USP34: variants seen among roughly 807,000 people sequenced by gnomAD.
USP34 encodes ubiquitin carboxyl-terminal hydrolase 34.
USP34 carries 70 observed loss-of-function variants against 460.3 expected under a neutral mutation model. That is an observed-to-expected ratio of 0.15 (90% CI 0.13 to 0.19). The LOEUF (loss-of-function observed/expected upper bound fraction) is 0.19. USP34 is among the 10% of genes least tolerant of loss of function. USP34 has a pLI of 1.00. For missense variants in USP34, 3,985 were observed against 4,236.2 expected (o/e 0.94, Z 1.65); for synonymous variants, 1,647 against 1,405.3 (o/e 1.17, Z -3.85).
intron 41 of USP34, 183 bp downstream of exon 41, chr2:61,277,982 G>T (rs989202913): frequency 2.7e-6 from 2 of 740,474 alleles, no homozygotes; most frequent in Non-Finnish European, 4.1e-6. Flanking sequence ...CTTGCCTTCC[G>T]GCACGATTGT....
At chr2:61,308,207 T>A (rs1488327021) in intron 27 of USP34, among the ~76,000 whole-genome samples, 1 of 151,996 alleles carries the variant, frequency 6.6e-6, no homozygotes, top group Non-Finnish European at 1.5e-5. Context: ...ATATTTACAT[T>A]GAATGCAAAT....
intron 72 of USP34, 139 bp from the exon 73 acceptor site, chr2:61,204,740 A>G (rs1687067779): frequency 3.1e-6 from 2 of 652,156 alleles, no homozygotes; most frequent in African/African-American, 3.6e-5. Context: ...ACGAGTAGAA[A>G]TTCTGTCTTA....
chr2:61,391,886 T>TTAC (rs1442520770), intron 5 of USP34, among the ~76,000 whole-genome samples: 1 of 152,120 alleles, frequency 6.6e-6, no homozygotes, highest in Non-Finnish European at 1.5e-5. Context: ...TATTAAAGAG[T>TTAC]TACTCCATTG....
At chr2:61,287,432 G>A (rs1434583713) in intron 34 of USP34, among the ~76,000 whole-genome samples, 2 of 152,112 alleles carry the variant, frequency 1.3e-5, no homozygotes, top group Non-Finnish European at 2.9e-5. Context: ...TTTATTGCTC[G>A]ATGTCCTGGT....
chr2:61,269,955 CA>C (rs1206424351), intron 41 of USP34, among the ~76,000 whole-genome samples: 2 of 151,886 alleles, frequency 1.3e-5, no homozygotes, highest in Admixed American at 6.6e-5. Flanking sequence ...TTGAAATACA[CA>C]AAAAAAATTT....
chr2:61,188,582 G>T lies in USP34; in HGVS notation c.10161C>A (p.Asp3387Glu). 6.2e-7 allele frequency: 1 copy of T among 1,614,196 alleles called. No individual in the cohort carries two copies. The highest frequency in any genetic ancestry group is 8.5e-7 in the Non-Finnish European group (1 of 1,180,036). Residue 3387 changes from aspartate to glutamate, a missense_variant, in exon 80 of 80, where the codon GAC (aspartate) becomes GAA (glutamate). Physicochemically the swap from Asp to Glu is conservative, Grantham distance 45. Around this residue, in one of 14 missense-constraint regions of USP34, gnomAD observed 506 missense variants for 439.0 expected, o/e 1.15. Coordinates refer to ENST00000398571, the MANE Select transcript of USP34 (RefSeq NM_014709.4). ...REVLTPTSTS[D>E]NETRDSSIID... ...TAATTGAGGAGTCTCTGGTCTCATT[G>T]TCAGAAGTGCTCGTTGGGGTCAGGA...
chr2:61,322,541 G>C (rs1690957518), intron 21 of USP34, among the ~76,000 whole-genome samples: 1 of 152,198 alleles, frequency 6.6e-6, no homozygotes, highest in Non-Finnish European at 1.5e-5. Flanking sequence ...TACATTTTAA[G>C]AGGTTCCAAA....
intron 18 of USP34, among the ~76,000 whole-genome samples, chr2:61,334,798 G>A (rs559019090): frequency 3.3e-4 from 50 of 152,214 alleles, no homozygotes; most frequent in South Asian, 2.1e-3. Flanking sequence ...TAGGAATGTA[G>A]AAATAAGACT....
At chr2:61,380,885 T>C (rs1692949219) in intron 6 of USP34, among the ~76,000 whole-genome samples, 1 of 152,134 alleles carries the variant, frequency 6.6e-6, no homozygotes, top group Non-Finnish European at 1.5e-5. Flanking sequence ...ACAAGACATA[T>C]ATGAGATTCC....
At chr2:61,407,543 G>C (rs1463065302) in intron 2 of USP34, among the ~76,000 whole-genome samples, 3 of 152,202 alleles carry the variant, frequency 2.0e-5, no homozygotes, top group Non-Finnish European at 2.9e-5. Context: ...TGCCCTGTAT[G>C]ATCATGTGGA....
intron 8 of USP34, among the ~76,000 whole-genome samples, chr2:61,374,010 G>T (rs1310215665): frequency 3.3e-5 from 5 of 152,034 alleles, no homozygotes; most frequent in Non-Finnish European, 7.4e-5. Context: ...ACAAAAATTA[G>T]CCAGGCGTGG....
At chr2:61,405,232 C>CAAAAAAAAAAA (rs199659618) in intron 3 of USP34, among the ~76,000 whole-genome samples, 32 of 78,050 alleles carry the variant, frequency 4.1e-4, no homozygotes, top group Non-Finnish European at 5.0e-4. Flanking sequence ...GACTCCATCT[C>CAAAAAAAAAAA]AAAAAAAAAA....
intron 7 of USP34, 118 bp downstream of exon 7, chr2:61,380,051 T>C (rs1442928253): frequency 3.9e-6 from 3 of 764,424 alleles, no homozygotes; most frequent in Non-Finnish European, 6.0e-6. Context: ...TATAAAGTAA[T>C]CCACATAAAA....
chr2:61,251,669 T>C (rs1307533395), intron 48 of USP34, among the ~76,000 whole-genome samples: 1 of 152,230 alleles, frequency 6.6e-6, no homozygotes, highest in African/African-American at 2.4e-5. Context: ...CCTCAACTTT[T>C]GTGTGCTCTT....
At chr2:61,428,493 T>C (rs772555052) in intron 1 of USP34, among the ~76,000 whole-genome samples, 13 of 152,160 alleles carry the variant, frequency 8.5e-5, no homozygotes, top group Admixed American at 3.9e-4. Flanking sequence ...TTGCTAACTA[T>C]GACATTAAGT....
intron 18 of USP34, among the ~76,000 whole-genome samples, chr2:61,338,852 CA>C (rs1691505279): frequency 6.6e-6 from 1 of 152,156 alleles, no homozygotes; most frequent in Non-Finnish European, 1.5e-5. Flanking sequence ...AAGAACTGTA[CA>C]TATCTAATAT....
At chr2:61,461,802 T>C (rs13406079) in intron 1 of USP34, among the ~76,000 whole-genome samples, 109 of 152,306 alleles carry the variant, frequency 7.2e-4, no homozygotes, top group African/African-American at 2.4e-3. Flanking sequence ...TTTGACACAG[T>C]AAACTCACGT....
intron 50 of USP34, among the ~76,000 whole-genome samples, chr2:61,245,500 T>C (rs1688395628): frequency 6.6e-6 from 1 of 151,712 alleles, no homozygotes; most frequent in Non-Finnish European, 1.5e-5. Context: ...TAGATCCATT[T>C]ATGACCTAGG....
At chr2:61,417,356 T>G in intron 2 of USP34, 1 of 597,948 alleles carries the variant, frequency 1.7e-6, no homozygotes, top group Non-Finnish European at 3.0e-6. Context: ...GGAAAGGAAT[T>G]CAGTCAGCTT....
Sources: allele counts gnomAD v4.1 joint callset (sites outside exome capture counted in the v4.1 genomes callset), GRCh38; gene constraint gnomAD v4.1.1; regional missense constraint gnomAD v4.1.1; transcripts MANE v1.5; gene names NCBI Gene and HGNC (gene_info 2026-07-23, HGNC 2026-07-21).